SRRM2: variants seen among roughly 807,000 people sequenced by gnomAD.
SRRM2 encodes serine/arginine repetitive matrix 2.
Under a neutral mutation model 213.8 loss-of-function variants are expected in SRRM2, and 30 were observed. The observed-to-expected ratio is 0.14, with a 90% CI of 0.10 to 0.19. SRRM2 has a LOEUF of 0.19. SRRM2 is among the 10% of genes least tolerant of loss of function. The pLI is 1.00. For missense variants in SRRM2, 4,904 were observed against 3,647.0 expected, an observed-to-expected ratio of 1.34 and a Z score of -8.88; for synonymous variants, 2,025 against 1,377.7, an observed-to-expected ratio of 1.47 and a Z score of -10.40.
At chr16:2,768,941 G>C (rs1189093069) in intron 11 of SRRM2, 56 bp from the exon 12 acceptor site, 3 of 1,607,902 alleles carry the variant, frequency 1.9e-6, no homozygotes, top group South Asian at 2.2e-5. Context: ...GGCCAAGGAA[G>C]GTAGGGTTGG....
At position 2,762,615 on chromosome 16, in the gene SRRM2, C is replaced by T; in HGVS notation, c.2087C>T (p.Thr696Ile). ...PARRGRSRSR[T>I]PRRGRSRSRS... ...AGGAGAGGGAGGTCTCGGTCTAGGA[C>T]ACCAAGACGAGGAAGATCCCGCAGT... Residue 696 changes from threonine (T) to isoleucine (I), a missense_variant, in exon 11 of 15, where the codon ACA becomes ATA. Coordinates refer to ENST00000301740, the MANE Select transcript of SRRM2 (RefSeq NM_016333.4). 6.2e-7 allele frequency: 1 copy of T among 1,614,158 alleles called. No homozygotes were observed. The highest frequency in any genetic ancestry group is 8.5e-7 in the Non-Finnish European group (1 of 1,180,030).
rs150671830 is a variant in SRRM2, at chr16:2,758,829, T to G, written c.594-156T>G. ...GACTTAAGGAGTTACTTGTGCTTGT[T>G]GGAGAAAGAAGAAATAAGTCCTGGG... On this transcript the variant is annotated intron_variant, in intron 5 of 14. Transcript: ENST00000301740. 973 of 807,358 alleles carry G rather than the reference T, an allele frequency of 1.2e-3. 5 individuals are homozygous for G. Among genetic ancestry groups the G allele is most frequent in the Middle Eastern group, 8.5e-3 (23 of 2,704 alleles). 50.0% of individuals were successfully genotyped at this position (807,358 alleles called of 1,614,324 possible).
Position 2,767,523 on chromosome 16 carries a change from C to T in SRRM2, c.6995C>T (p.Ala2332Val), listed in dbSNP as rs1340981761. 5.6e-6 allele frequency: 9 copies of T among 1,614,098 alleles called. No individual in the cohort carries two copies. The highest frequency in any genetic ancestry group is 4.0e-5 in the African/African-American group (3 of 74,934). ...CCCTCCAGCTCCAGAACACCACAGGCTCCAGCCTCTGCAAACCTGGTGGGT... is the reference window on the plus strand; with the variant it reads ...CCCTCCAGCTCCAGAACACCACAGGTTCCAGCCTCTGCAAACCTGGTGGGT... ...NYPSSSRTPQ[A>V]PASANLVGPR... Residue 2332 changes from alanine (A) to valine (V), a missense_variant, in exon 11 of 15, where the codon GCT becomes GTT. By Grantham distance (64) the Ala-to-Val change is moderately conservative. Transcript: ENST00000301740.
Position 2,770,428 on chromosome 16 carries a change from C to G in SRRM2, c.8098C>G (p.Arg2700Gly). ...SLSYSPVERRRPSPQPSPRDQ... is the reference protein window; with the variant it reads ...SLSYSPVERRGPSPQPSPRDQ... ...CAGCTACTCGCCTGTGGAGCGTCGCCGTCCCTCGCCCCAGCCCTCACCACG... is the reference window on the plus strand; with the variant it reads ...CAGCTACTCGCCTGTGGAGCGTCGCGGTCCCTCGCCCCAGCCCTCACCACG... Residue 2700 changes from arginine to glycine, a missense_variant, in exon 13 of 15, where the codon CGT becomes GGT. Physicochemically the swap from Arg to Gly is moderately radical, Grantham distance 125. Transcript: ENST00000301740. The G allele has an allele frequency of 6.2e-7, 1 of 1,610,696 alleles. No homozygotes were observed. The highest frequency in any genetic ancestry group is 8.5e-7 in the Non-Finnish European group (1 of 1,178,642).
intron 1 of SRRM2, among the ~76,000 whole-genome samples, chr16:2,753,159 G>T (rs2067999459): frequency 6.6e-6 from 1 of 151,952 alleles, no homozygotes; most frequent in African/African-American, 2.4e-5. Context: ...AACATGTGCC[G>T]CCGAGGTGGC....
chr16:2,755,514 T>G (rs561589377), intron 1 of SRRM2, among the ~76,000 whole-genome samples: 2 of 152,210 alleles, frequency 1.3e-5, no homozygotes, highest in African/African-American at 4.8e-5. Context: ...ACAGGTAATA[T>G]TTGACAGCTG....
intron 8 of SRRM2, 49 bp downstream of exon 8, chr16:2,759,451 T>C (rs2068262601): frequency 6.3e-7 from 1 of 1,596,898 alleles, no homozygotes; most frequent in Admixed American, 1.7e-5. Context: ...GAACGCCACC[T>C]TAGTGGGAGG....
rs770119964 is a variant in SRRM2, at chr16:2,763,592, A to G, written c.3064A>G (p.Lys1022Glu). ...SKSPCPQEKSKDSLVQSCPGS... is the reference protein window; with the variant it reads ...SKSPCPQEKSEDSLVQSCPGS... ...GTCACCATGTCCCCAAGAGAAGTCTAAAGACTCACTAGTTCAAAGTTGCCC... is the reference window on the plus strand; with the variant it reads ...GTCACCATGTCCCCAAGAGAAGTCTGAAGACTCACTAGTTCAAAGTTGCCC... The change falls in exon 11 of 15, where the codon AAA becomes GAA. Residue 1022 changes from lysine to glutamate, a missense_variant. Coordinates refer to ENST00000301740, the MANE Select transcript of SRRM2 (RefSeq NM_016333.4). 12 of 1,614,044 alleles carry G rather than the reference A, an allele frequency of 7.4e-6. No homozygotes were observed. The African/African-American group carries it at 1.2e-4, about 16-fold the overall frequency.
rs118057303 is a variant in SRRM2 at position 2,767,119 on chromosome 16, G to A, written c.6591G>A (p.Pro2197=). The A allele has an allele frequency of 2.2e-5, 36 of 1,614,114 alleles. 1 individual carries two copies. The East Asian group carries it at 3.3e-4, about 15-fold the overall frequency. The change falls in exon 11 of 15, where the codon CCG becomes CCA. Residue 2197 remains proline (P), a synonymous_variant. Transcript: ENST00000301740. ...AISLGTARPP[P]SMSAAGLAAR... ...GTCTTGGCACCGCTCGGCCTCCTCC[G>A]TCCATGTCTGCTGCTGGCCTTGCTG...
In SRRM2 at chr16:2,762,528, G is replaced by T; in HGVS notation, c.2000G>T (p.Gly667Val). The change falls in exon 11 of 15, where the codon GGC (glycine) becomes GTC (valine). Residue 667 changes from glycine (G) to valine (V), a missense_variant. Transcript: ENST00000301740. ...CGCTCCAGAACCCCAGCCAGACGTG[G>T]CCGCTCACGCTCTAGAACCCCAGCT... ...RSRSRTPARR[G>V]RSRSRTPARR... 1 of 1,614,004 alleles carries T rather than the reference G, an allele frequency of 6.2e-7. No individual in the cohort carries two copies. Among genetic ancestry groups the T allele is most frequent in the South Asian group, 1.1e-5 (1 of 91,062 alleles).
In SRRM2 at chr16:2,762,801, G is replaced by A. The variant is rs764266091; in HGVS notation, c.2273G>A (p.Arg758Gln). The A allele has an allele frequency of 1.4e-5, 22 of 1,613,984 alleles. No homozygotes were observed. The highest frequency in any genetic ancestry group is 2.7e-5 in the African/African-American group (2 of 74,898). ...AAGAAATCTCGCATTTCTTCAAGGC[G>A]GAGCAGGTCTCTCTCTTCACCACGG... is the stretch of plus-strand genomic sequence containing the variant. ...EMKKSRISSR[R>Q]SRSLSSPRSK... is the part of the protein sequence containing the mutation. The change falls in exon 11 of 15, where the codon CGG (arginine) becomes CAG (glutamine). Residue 758 changes from arginine (R) to glutamine (Q), a missense_variant. Transcript: ENST00000301740.
In SRRM2 at chr16:2,756,484, G is replaced by A. The variant is rs776078159; in HGVS notation, c.120G>A (p.Glu40=). 2 of 1,613,824 alleles carry A rather than the reference G, an allele frequency of 1.2e-6. No homozygotes were observed. Among genetic ancestry groups the A allele is most frequent in the East Asian group, 2.2e-5 (1 of 44,894 alleles). The change falls in exon 2 of 15, where the codon GAG becomes GAA. Residue 40 remains glutamate (E), a synonymous_variant. Transcript: ENST00000301740. ...AGCGGCCTGACTACAAGGGAGAGGAGGAACTGCGGCGCCTGGAGGCTGCCC... is the reference window on the plus strand; with the variant it reads ...AGCGGCCTGACTACAAGGGAGAGGAAGAACTGCGGCGCCTGGAGGCTGCCC... ...RGERPDYKGE[E]ELRRLEAALV...
In SRRM2 at chr16:2,771,195, T is replaced by TC. The variant is rs2068736298; in HGVS notation, c.*331dup. ...CATGGCCCCACTTGTATCCAGAAGT[T>TC]CCCAGGGGTGATTGTGATGGTGGTT... On this transcript the variant is annotated 3_prime_UTR_variant, in exon 15 of 15. Transcript: ENST00000301740. 8 of 644,274 alleles carry TC rather than the reference T, an allele frequency of 1.2e-5. No individual in the cohort carries two copies. The East Asian group carries it at 2.2e-4, about 18-fold the overall frequency. 39.9% of individuals were successfully genotyped at this position (644,274 alleles called of 1,614,324 possible). A position where few individuals can be genotyped will look rare whatever the true frequency, so the allele number is the denominator to read the frequency against.
In SRRM2 at chr16:2,752,665, G is replaced by A. The variant is rs1442398313; in HGVS notation, c.-213G>A. 3 of 270,526 alleles carry A rather than the reference G, an allele frequency of 1.1e-5. No homozygotes were observed. The highest frequency in any genetic ancestry group is 2.4e-5 in the African/African-American group (1 of 42,404). The allele number at this position is 270,526 out of a possible 1,614,324, so 16.8% of individuals were successfully genotyped here. The stretch of plus-strand genomic sequence containing the variant: ...GCTGACGTGCAGCGCGGCCCAGGCG[G>A]GGTGCGAGTGGCGCAGTTGGAGCCC... On this transcript the variant is annotated 5_prime_UTR_variant, in exon 1 of 15. Coordinates refer to ENST00000301740, the MANE Select transcript of SRRM2 (RefSeq NM_016333.4).
rs1395252230 is a variant in SRRM2, at chr16:2,767,794, A to G, written c.7266A>G (p.Glu2422=). ...CAAGCCAATCTAGGATGACCTCTGAACGGGCTCCCTCCCCTTCCTCTAGAA... is the reference window on the plus strand; with the variant it reads ...CAAGCCAATCTAGGATGACCTCTGAGCGGGCTCCCTCCCCTTCCTCTAGAA... ...SAPSQSRMTS[E]RAPSPSSRMG... is the part of the protein sequence containing the mutation. The change falls in exon 11 of 15, where the codon GAA becomes GAG. Residue 2422 remains glutamate (E), a synonymous_variant. Transcript: ENST00000301740. The G allele has an allele frequency of 6.2e-7, 1 of 1,613,824 alleles. No homozygotes were observed. Among genetic ancestry groups the G allele is most frequent in the South Asian group, 1.1e-5 (1 of 91,052 alleles).
rs1200797317 is a variant in SRRM2, at chr16:2,766,897, C to G, written c.6369C>G (p.Ser2123=). ...GCTGCTTCAGTCGTCCTAGCATGTC[C>G]CCAACACCTCTTGATCGCTGCAGAT... ...RMSCFSRPSM[S]PTPLDRCRSP... Residue 2123 remains serine (S), a synonymous_variant, in exon 11 of 15, where the codon TCC becomes TCG. Coordinates refer to ENST00000301740, the MANE Select transcript of SRRM2 (RefSeq NM_016333.4). This position sits in a 1 kb window ranked among gnomAD's most constrained non-coding sequence, Gnocchi z 7.0. 2 of 1,614,122 alleles carry G rather than the reference C, an allele frequency of 1.2e-6. No individual in the cohort carries two copies. The highest frequency in any genetic ancestry group is 1.7e-5 in the Admixed American group (1 of 60,024).
intron 13 of SRRM2, 55 bp downstream of exon 13, chr16:2,770,520 AC>A: frequency 6.4e-7 from 1 of 1,565,450 alleles, no homozygotes; most frequent in Non-Finnish European, 8.7e-7. Context: ...ACTGCTTTCT[AC>A]AAAGAAGAAA....
In SRRM2 at chr16:2,764,228, C is replaced by A; in HGVS notation, c.3700C>A (p.Gln1234Lys). 6.2e-7 allele frequency: 1 copy of A among 1,614,132 alleles called. No homozygotes were observed. Among genetic ancestry groups the A allele is most frequent in the Non-Finnish European group, 8.5e-7 (1 of 1,180,028 alleles). Residue 1234 changes from glutamine to lysine, a missense_variant, in exon 11 of 15, where the codon CAA (glutamine) becomes AAA (lysine). Physicochemically the swap from Gln to Lys is moderately conservative, Grantham distance 53. Transcript: ENST00000301740. ...EQNSALPTSS[Q>K]DEELMEVVEK... is the part of the protein sequence containing the mutation. Reference sequence around the variant, plus strand: ...AAATAGTGCATTGCCTACGTCAAGCCAAGATGAAGAGTTAATGGAGGTGGT... The same window carrying A: ...AAATAGTGCATTGCCTACGTCAAGCAAAGATGAAGAGTTAATGGAGGTGGT...
In SRRM2 at chr16:2,766,856, A is replaced by C. The variant is rs150225718; in HGVS notation, c.6328A>C (p.Asn2110His). The part of the protein sequence containing the change: ...SGSRTPPVAL[N>H]SSRMSCFSRP... ...TTCACGGACACCTCCAGTAGCACTC[A>C]ACAGTTCCAGAATGAGCTGCTTCAG... The change falls in exon 11 of 15, where the codon AAC (asparagine) becomes CAC (histidine). Residue 2110 changes from asparagine (N) to histidine (H), a missense_variant. Transcript: ENST00000301740. This position sits in a 1 kb window ranked among gnomAD's most constrained non-coding sequence, Gnocchi z 7.0. 3 of 1,614,028 alleles carry C rather than the reference A, an allele frequency of 1.9e-6. No individual in the cohort carries two copies. In the African/African-American group the frequency reaches 4.0e-5, roughly 22 times the overall value.
Sources: allele counts gnomAD v4.1 joint callset (sites outside exome capture counted in the v4.1 genomes callset), GRCh38; gene constraint gnomAD v4.1.1; non-coding constraint Gnocchi (gnomAD v3.1); transcripts MANE v1.5; gene names NCBI Gene and HGNC (gene_info 2026-07-23, HGNC 2026-07-21).